Variants in AKR1E2 observed in about 807,000 individuals in gnomAD.
AKR1E2 encodes 1,5-anhydro-D-fructose reductase.
AKR1E2 carries 43 observed loss-of-function variants against 41.9 expected under a neutral mutation model. The ratio of observed to expected loss-of-function variants is 1.03; its 90% CI spans 0.80 to 1.32. The LOEUF is 1.32. AKR1E2 is among the 40% of genes most tolerant of loss of function. The pLI is 0.00. For missense variants in AKR1E2, 423 were observed against 396.5 expected, an observed-to-expected ratio of 1.07 and a Z score of -0.57; for synonymous variants, 121 against 138.9, an observed-to-expected ratio of 0.87 and a Z score of 0.91.
At chr10:4,842,353 G>A in intron 7 of AKR1E2, 68 bp from the exon 8 acceptor site, 2 of 1,424,328 alleles carry the variant, frequency 1.4e-6, no homozygotes, top group Non-Finnish European at 2.0e-6. Flanking sequence ...AAACTCACAT[G>A]TTAGAAAATA....
At position 4,831,161 on chromosome 10, in the gene AKR1E2, A is replaced by T. The variant is rs1832939926; in HGVS notation, c.207+319A>T. Among the ~76,000 whole-genome samples, 3 of 152,236 alleles carry T rather than the reference A, an allele frequency of 2.0e-5. No homozygotes were observed. In the South Asian group the frequency reaches 6.2e-4, roughly 31 times the overall value. ...CCTCATGAAGTCTGTTTACACAGCG[A>T]TTCCTAAATTCAGAATCACTGGGGT... is the stretch of plus-strand genomic sequence containing the variant. On this transcript the variant is annotated intron_variant, in intron 2 of 9. Transcript: ENST00000298375.
intron 1 of AKR1E2, among the ~76,000 whole-genome samples, chr10:4,827,921 A>G (rs1832673895): frequency 1.3e-5 from 2 of 152,236 alleles, no homozygotes; most frequent in South Asian, 4.1e-4. Flanking sequence ...ACACAGGATA[A>G]GGAAAAATTA....
intron 5 of AKR1E2, among the ~76,000 whole-genome samples, chr10:4,838,974 T>G (rs1189777237): frequency 6.6e-6 from 1 of 152,164 alleles, no homozygotes; most frequent in Non-Finnish European, 1.5e-5. Context: ...TTTGGAGGCT[T>G]TCCAAACAGG....
chr10:4,831,221 A>G (rs1309858830), intron 2 of AKR1E2, among the ~76,000 whole-genome samples: 2 of 152,150 alleles, frequency 1.3e-5, no homozygotes, highest in African/African-American at 4.8e-5. Flanking sequence ...TCTACCCCAC[A>G]TCTGTTGAAG....
the AKR1E2 span, among the ~76,000 whole-genome samples, chr10:4,867,608 G>A: frequency 6.6e-6 from 1 of 152,196 alleles, no homozygotes; most frequent in African/African-American, 2.4e-5. Context: ...CAAGGTGTTG[G>A]ATGTGCCAAT....
At chr10:4,838,420 C>T (rs1432674651) in intron 5 of AKR1E2, among the ~76,000 whole-genome samples, 20 of 152,232 alleles carry the variant, frequency 1.3e-4, no homozygotes, top group Admixed American at 1.2e-3. Context: ...GAATTAACCA[C>T]AATTGAGTTA....
the AKR1E2 span, among the ~76,000 whole-genome samples, chr10:4,853,721 C>T: frequency 7.9e-5 from 12 of 152,276 alleles, no homozygotes; most frequent in Non-Finnish European, 1.3e-4. Context: ...TGAATAGGGG[C>T]TGAGTAAAAT....
intron 4 of AKR1E2, 94 bp from the exon 5 acceptor site, chr10:4,837,365 C>A: frequency 6.9e-7 from 1 of 1,455,998 alleles, no homozygotes; most frequent in South Asian, 1.5e-5. Flanking sequence ...TTGGGTCCAA[C>A]CAGTTTTAGA....
At chr10:4,832,668 T>A (rs1197481954) in intron 2 of AKR1E2, among the ~76,000 whole-genome samples, 1 of 152,266 alleles carries the variant, frequency 6.6e-6, no homozygotes, top group Non-Finnish European at 1.5e-5. Flanking sequence ...CATTCATTTT[T>A]TTATTTTTGT....
chr10:4,826,537 GC>G (rs1832523711), intron 1 of AKR1E2, among the ~76,000 whole-genome samples, 174 bp downstream of exon 1: 1 of 152,194 alleles, frequency 6.6e-6, no homozygotes, highest in African/African-American at 2.4e-5. Context: ...AAGCAGCCCG[GC>G]CCGGCCTTTC....
downstream of AKR1E2, among the ~76,000 whole-genome samples, chr10:4,849,063 G>T (rs1327046150): frequency 6.6e-6 from 1 of 152,192 alleles, no homozygotes; most frequent in Non-Finnish European, 1.5e-5. Context: ...CTCAAGAGAG[G>T]ACTTTGCTGC....
At chr10:4,866,209 G>T in the AKR1E2 span, among the ~76,000 whole-genome samples, 2 of 152,136 alleles carry the variant, frequency 1.3e-5, no homozygotes, top group African/African-American at 4.8e-5. Flanking sequence ...TTTTATGTTT[G>T]AATTACATAA....
intron 8 of AKR1E2, among the ~76,000 whole-genome samples, chr10:4,843,654 C>T (rs1249261282): frequency 6.6e-6 from 1 of 152,218 alleles, no homozygotes; most frequent in Non-Finnish European, 1.5e-5. Flanking sequence ...AGTGCCTGTG[C>T]CCTCAGGCTT....
the AKR1E2 span, among the ~76,000 whole-genome samples, chr10:4,853,707 A>G: frequency 6.9e-6 from 1 of 144,758 alleles, no homozygotes; most frequent in East Asian, 2.0e-4. Flanking sequence ...GAGCAACTCC[A>G]CCTTGAATAG....
intron 8 of AKR1E2, among the ~76,000 whole-genome samples, chr10:4,844,787 T>C (rs2131564796): frequency 6.6e-6 from 1 of 152,356 alleles, no homozygotes; most frequent in African/African-American, 2.4e-5. Context: ...TTGGTGTATT[T>C]ACAATCCCCT....
At chr10:4,845,103 C>G (rs117782445) in intron 8 of AKR1E2, among the ~76,000 whole-genome samples, 5,273 of 152,224 alleles carry the variant, frequency 0.035, 142 homozygotes, top group East Asian at 0.11. Flanking sequence ...GAGCGCAGCG[C>G]CGGTGGGCCA....
upstream of AKR1E2, among the ~76,000 whole-genome samples, chr10:4,825,384 G>T (rs1248888640): frequency 1.3e-5 from 2 of 152,046 alleles, no homozygotes; most frequent in African/African-American, 4.8e-5. Context: ...TAAGAGGGGC[G>T]TCGGAAGGCT....
At chr10:4,869,526 A>G in the AKR1E2 span, among the ~76,000 whole-genome samples, 842 of 151,206 alleles carry the variant, frequency 5.6e-3, 6 homozygotes, top group African/African-American at 0.019. Flanking sequence ...CATTGATTTC[A>G]GCTCCTCTAT....
At chr10:4,838,232 G>A (rs12573197) in intron 5 of AKR1E2, among the ~76,000 whole-genome samples, 5,316 of 152,238 alleles carry the variant, frequency 0.035, 151 homozygotes, top group East Asian at 0.12. Context: ...AACCCCTGCC[G>A]AGCACAGCAT....
Sources: gnomAD v4.1 joint callset for allele counts (sites outside exome capture counted in the v4.1 genomes callset) on GRCh38, gnomAD v4.1.1 for gene constraint, MANE v1.5 for transcripts, NCBI Gene and HGNC (gene_info 2026-07-23, HGNC 2026-07-21) for gene names.